The following AUH variants were observed in gnomAD, a reference collection of about 807,000 sequenced individuals.
AUH encodes the protein AU RNA binding methylglutaconyl-CoA hydratase.
Under a neutral mutation model 42.3 loss-of-function variants are expected in AUH, and 29 were observed. The observed-to-expected ratio is 0.69, with a 90% CI of 0.51 to 0.93. AUH has a LOEUF of 0.93. Ranked by LOEUF, AUH falls within the 40% of genes least tolerant of loss-of-function variation. The probability of loss-of-function intolerance (pLI) is 0.00; values close to 1 mark genes in which losing one functional copy is unlikely to be tolerated. For synonymous variants in AUH, 174 were observed against 166.4 expected, an observed-to-expected ratio of 1.05 and a Z score of -0.35; for missense variants, 452 against 438.1, an observed-to-expected ratio of 1.03 and a Z score of -0.28.
chr9:91,243,680 T>A (rs1289361997), intron 6 of AUH, among the ~76,000 whole-genome samples: 2 of 152,274 alleles, frequency 1.3e-5, no homozygotes, highest in Middle Eastern at 3.4e-3. Flanking sequence ...AGCCGATGTG[T>A]CATGTGTCCC....
At chr9:91,266,407 G>C (rs1408426683) in intron 6 of AUH, among the ~76,000 whole-genome samples, 1 of 151,404 alleles carries the variant, frequency 6.6e-6, no homozygotes, top group African/African-American at 2.4e-5. Context: ...AAAAAATAAA[G>C]GAAAGTTACA....
chr9:91,319,916 G>A (rs1264870346), intron 4 of AUH, among the ~76,000 whole-genome samples: 1 of 152,176 alleles, frequency 6.6e-6, no homozygotes, highest in Non-Finnish European at 1.5e-5. Context: ...CTGCTCTAGA[G>A]CTCTTTAACA....
chr9:91,236,707 C>A (rs1191962232), intron 6 of AUH, among the ~76,000 whole-genome samples: 2 of 152,122 alleles, frequency 1.3e-5, no homozygotes, highest in Admixed American at 1.3e-4. Context: ...GAGATCCCTG[C>A]AGGTGCAGTC....
intron 3 of AUH, among the ~76,000 whole-genome samples, chr9:91,350,096 T>C (rs187230209): frequency 7.5e-4 from 114 of 152,362 alleles, no homozygotes; most frequent in African/African-American, 2.5e-3. Flanking sequence ...TGGGAAACAC[T>C]GTCTGTATCT....
intron 6 of AUH, among the ~76,000 whole-genome samples, chr9:91,260,503 T>C (rs970161681): frequency 6.6e-6 from 1 of 152,180 alleles, no homozygotes; most frequent in Non-Finnish European, 1.5e-5. Context: ...TAGTGGTTGA[T>C]CAACAGTGGC....
At chr9:91,318,564 T>C (rs925176123) in intron 4 of AUH, among the ~76,000 whole-genome samples, 1 of 152,236 alleles carries the variant, frequency 6.6e-6, no homozygotes, top group Non-Finnish European at 1.5e-5. Context: ...GGCCAAATCC[T>C]GATGCAAACC....
intron 1 of AUH, among the ~76,000 whole-genome samples, chr9:91,356,774 C>T (rs1389277925): frequency 6.6e-6 from 1 of 152,194 alleles, no homozygotes; most frequent in African/African-American, 2.4e-5. Flanking sequence ...TTTCTAAAAA[C>T]AGTACTATGC....
In AUH at chr9:91,361,582, G is replaced by A. The variant is rs371631302; in HGVS notation, c.262+46C>T. On this transcript the variant is annotated intron_variant, in intron 1 of 9. Transcript: ENST00000375731. ...TGCACCTTATGCCCGTCCTGAGAGC[G>A]AGCGGCCGCCCGCTGCCCCGCGCCT... 3.0e-5 allele frequency: 46 copies of A among 1,553,060 alleles called. 1 individual carries two copies. The South Asian group carries it at 3.5e-4, about 12-fold the overall frequency.
At chr9:91,224,678 T>C (rs2131242206) in intron 6 of AUH, among the ~76,000 whole-genome samples, 1 of 152,346 alleles carries the variant, frequency 6.6e-6, no homozygotes, top group South Asian at 2.1e-4. Context: ...CATTCTTAAA[T>C]GATTACACAA....
chr9:91,312,249 T>A (rs298719), intron 4 of AUH, among the ~76,000 whole-genome samples: 1 of 152,190 alleles, frequency 6.6e-6, no homozygotes, highest in Non-Finnish European at 1.5e-5. Flanking sequence ...AAATCACGGT[T>A]GCCAAAGAGA....
chr9:91,329,083 A>C (rs1318189978), intron 3 of AUH, among the ~76,000 whole-genome samples: 1 of 152,112 alleles, frequency 6.6e-6, no homozygotes. Flanking sequence ...TGCATGTTAT[A>C]AGCATGAAGT....
At position 91,302,834 on chromosome 9, in the gene AUH, T is replaced by C. The variant is rs538456152; in HGVS notation, c.506-4758A>G. Among the ~76,000 whole-genome samples the C allele has an allele frequency of 5.3e-5, 8 of 152,256 alleles. No individual in the cohort carries two copies. The South Asian group carries it at 8.3e-4, about 16-fold the overall frequency. The stretch of plus-strand genomic sequence containing the variant: ...TCAATAAAATACACCTTTAGAAAGG[T>C]AGATTATGAATTTCAAAGATCTAAA... On this transcript the variant is annotated intron_variant, in intron 4 of 9. Coordinates refer to ENST00000375731, the MANE Select transcript of AUH (RefSeq NM_001698.3).
At chr9:91,263,475 TTTTA>T (rs1476338144) in intron 6 of AUH, among the ~76,000 whole-genome samples, 1 of 152,242 alleles carries the variant, frequency 6.6e-6, no homozygotes, top group East Asian at 1.9e-4. Flanking sequence ...TTTCATATTA[TTTTA>T]TTTAAGGCTA....
rs1826697473 is a variant in AUH at position 91,214,302 on chromosome 9, A to AGGAAGTACATTTATTACATTGGCATCTT, written c.*18_*45dup. ...TATAGTGGATCCGAAAGACACTTCC[A>AGGAAGTACATTTATTACATTGGCATCTT]GGAAGTACATTTATTACATTGGCAT... On this transcript the variant is annotated 3_prime_UTR_variant, in exon 10 of 10. Transcript: ENST00000375731. 1 of 1,508,882 alleles carries AGGAAGTACATTTATTACATTGGCATCTT rather than the reference A, an allele frequency of 6.6e-7. No individual in the cohort carries two copies. The highest frequency in any genetic ancestry group is 2.3e-5 in the East Asian group (1 of 43,392). 93.5% of individuals were successfully genotyped at this position (1,508,882 alleles called of 1,614,324 possible).
intron 6 of AUH, among the ~76,000 whole-genome samples, chr9:91,264,739 A>G (rs79630509): frequency 6.6e-6 from 1 of 152,314 alleles, no homozygotes; most frequent in African/African-American, 2.4e-5. Context: ...CTTGGACAAA[A>G]TAGTGGGATC....
At chr9:91,263,765 G>C (rs1236177653) in intron 6 of AUH, among the ~76,000 whole-genome samples, 2 of 151,956 alleles carry the variant, frequency 1.3e-5, no homozygotes, top group African/African-American at 2.4e-5. Context: ...CTTGTATCTA[G>C]GTTTCTGGAT....
At chr9:91,351,621 C>T (rs1253040047) in intron 3 of AUH, among the ~76,000 whole-genome samples, 6 of 152,192 alleles carry the variant, frequency 3.9e-5, no homozygotes, top group Admixed American at 2.0e-4. Context: ...TGTTAGGAAC[C>T]GGTGACACAG....
intron 3 of AUH, among the ~76,000 whole-genome samples, chr9:91,332,708 G>C (rs1209722342): frequency 6.6e-6 from 1 of 152,170 alleles, no homozygotes; most frequent in Admixed American, 6.5e-5. Flanking sequence ...AATTTATGAT[G>C]AACGAGGTGG....
At chr9:91,298,821 T>G (rs1827552620) in intron 4 of AUH, among the ~76,000 whole-genome samples, 1 of 152,250 alleles carries the variant, frequency 6.6e-6, no homozygotes, top group Non-Finnish European at 1.5e-5. Flanking sequence ...TGACTGGTTT[T>G]ATTAGTTATT....
Sources: gnomAD v4.1 joint callset for allele counts (sites outside exome capture counted in the v4.1 genomes callset) on GRCh38, gnomAD v4.1.1 for gene constraint, MANE v1.5 for transcripts, NCBI Gene and HGNC (gene_info 2026-07-23, HGNC 2026-07-21) for gene names.